Variants in VWA3B observed in about 807,000 individuals in gnomAD.
VWA3B encodes the protein von Willebrand factor A domain-containing protein 3B.
In VWA3B, 138 loss-of-function variants were observed where a neutral mutation model predicts 158.3. That is an observed-to-expected ratio of 0.87 (90% CI 0.76 to 1.00). The LOEUF is 1.00. Among genes scored for constraint, VWA3B ranks in the 50% least tolerant of loss-of-function variants. The pLI, the probability that VWA3B is intolerant of heterozygous loss-of-function variation, is 0.00. For missense variants in VWA3B, 1,555 were observed against 1,565.1 expected, an observed-to-expected ratio of 0.99 and a Z score of 0.11; for synonymous variants, 596 against 587.3, an observed-to-expected ratio of 1.01 and a Z score of -0.21.
At chr2:98,145,935 A>G (rs1395411198) in intron 7 of VWA3B, among the ~76,000 whole-genome samples, 1 of 151,902 alleles carries the variant, frequency 6.6e-6, no homozygotes, top group Admixed American at 6.6e-5. Flanking sequence ...GGATCTCGCT[A>G]TGTTTTCCAG....
At chr2:98,253,146 C>G (rs62156729) in intron 20 of VWA3B, among the ~76,000 whole-genome samples, 5,909 of 152,162 alleles carry the variant, frequency 0.039, 170 homozygotes, top group Middle Eastern at 0.075. Context: ...GTATAAATGT[C>G]AATTTCTTTT....
In VWA3B at chr2:98,297,913, TGAA is replaced by T. The variant is rs1689910429; in HGVS notation, c.3169_3171del (p.Lys1057del). On this transcript the variant is annotated inframe_deletion, in exon 24 of 28. Coordinates refer to ENST00000477737, the MANE Select transcript of VWA3B (RefSeq NM_144992.5). Reference sequence around the variant, plus strand: ...TTTCTTTGATTCCTTCCAGGGGTTGTGAAGAAGTGTGTGAGCCGCACCCAAGCA... The same window carrying T: ...TTTCTTTGATTCCTTCCAGGGGTTGTGAAGTGTGTGAGCCGCACCCAAGCA... 1 of 1,539,408 alleles carries T rather than the reference TGAA, an allele frequency of 6.5e-7. No homozygotes were observed.
chr2:98,092,459 A>G (rs984874389), intron 1 of VWA3B, among the ~76,000 whole-genome samples: 1 of 152,174 alleles, frequency 6.6e-6, no homozygotes, highest in Non-Finnish European at 1.5e-5. Flanking sequence ...CCTGACCAAC[A>G]TGGTGAAACC....
chr2:98,104,528 G>A (rs551269118), intron 2 of VWA3B, among the ~76,000 whole-genome samples: 41 of 152,248 alleles, frequency 2.7e-4, no homozygotes, highest in African/African-American at 4.3e-4. Flanking sequence ...GGGATCTGTC[G>A]CCGTGATCCA....
chr2:98,095,089 G>T (rs192620002), intron 2 of VWA3B, among the ~76,000 whole-genome samples: 2 of 152,018 alleles, frequency 1.3e-5, no homozygotes, highest in African/African-American at 2.4e-5. Flanking sequence ...TTTGCTCAAG[G>T]TTGCTTTGGG....
intron 22 of VWA3B, among the ~76,000 whole-genome samples, chr2:98,286,382 A>G (rs1479998809): frequency 6.6e-6 from 1 of 152,128 alleles, no homozygotes; most frequent in Admixed American, 6.5e-5. Context: ...TAAATTAGGT[A>G]TCATGTTTAC....
rs781192693 is a variant in VWA3B, at chr2:98,093,270, G to A, written c.178G>A (p.Gly60Arg). The A allele has an allele frequency of 9.3e-6, 15 of 1,613,928 alleles. No homozygotes were observed. The African/African-American group carries it at 1.3e-4, about 14-fold the overall frequency. ...CTTGAAACAGATTTTGTCACAGATCGGATTCCCACATTGTGAAGGTACAGT... is the reference window on the plus strand; with the variant it reads ...CTTGAAACAGATTTTGTCACAGATCAGATTCCCACATTGTGAAGGTACAGT... ...LTLKQILSQI[G>R]FPHCEDYVAS... The change falls in exon 2 of 28, where the codon GGA (glycine) becomes AGA (arginine). Residue 60 changes from glycine (G) to arginine (R), a missense_variant. Transcript: ENST00000477737.
In VWA3B at chr2:98,304,775, C is replaced by G. The variant is rs549674383; in HGVS notation, c.3521+973C>G. On this transcript the variant is annotated intron_variant, in intron 26 of 27. Coordinates refer to ENST00000477737, the MANE Select transcript of VWA3B (RefSeq NM_144992.5). ...CTCCTTAGCTCCTCTTCACTGAGCC[C>G]TTCACCTCAGCAAGTACACAGGTTG... 2.0e-5 allele frequency among the ~76,000 whole-genome samples: 3 copies of G among 152,220 alleles called. No individual in the cohort carries two copies. The South Asian group carries it at 6.2e-4, about 32-fold the overall frequency.
In VWA3B at chr2:98,196,455, G is replaced by T. The variant is rs549089771; in HGVS notation, c.1737+1963G>T. On this transcript the variant is annotated intron_variant, in intron 12 of 27. Coordinates refer to ENST00000477737, the MANE Select transcript of VWA3B (RefSeq NM_144992.5). ...GAAAGCCAAATTCTATTATTCTTTC[G>T]GCTGATTTGGTCCAGTAGTCAACCC... Among the ~76,000 whole-genome samples the T allele has an allele frequency of 3.3e-5, 5 of 151,928 alleles. 1 individual carries two copies. In the South Asian group the frequency reaches 6.2e-4, roughly 19 times the overall value.
Position 98,251,228 on chromosome 2 carries a change from T to C in VWA3B, c.2792+792T>C, listed in dbSNP as rs564708644. Among the ~76,000 whole-genome samples, 22 of 152,346 alleles carry C rather than the reference T, an allele frequency of 1.4e-4. No individual in the cohort carries two copies. The South Asian group carries it at 4.6e-3, about 32-fold the overall frequency. On this transcript the variant is annotated intron_variant, in intron 20 of 27. Coordinates refer to ENST00000477737, the MANE Select transcript of VWA3B (RefSeq NM_144992.5). ...AAGGTTTTAAAGAAACTATCTTCCC[T>C]TTCCAATATCCATAAAAATCTCATG...
At position 98,187,999 on chromosome 2, in the gene VWA3B, G is replaced by A. The variant is rs1023488573; in HGVS notation, c.1336G>A (p.Ala446Thr). Residue 446 changes from alanine to threonine, a missense_variant, in exon 10 of 28, where the codon GCA (alanine) becomes ACA (threonine). Physicochemically the swap from Ala to Thr is moderately conservative, Grantham distance 58. Transcript: ENST00000477737. ...SAETNKKTVH[A>T]KYCSRFVHAP... ...GGAGACGAACAAGAAGACAGTCCAT[G>A]CAAAATATTGCAGCAGGTTTGTCCA... 2 of 1,613,454 alleles carry A rather than the reference G, an allele frequency of 1.2e-6. No individual in the cohort carries two copies. Among genetic ancestry groups the A allele is most frequent in the African/African-American group, 2.7e-5 (2 of 74,868 alleles).
At chr2:98,256,550 ATG>A (rs1687155806) in intron 21 of VWA3B, among the ~76,000 whole-genome samples, 1 of 152,192 alleles carries the variant, frequency 6.6e-6, no homozygotes, top group African/African-American at 2.4e-5. Context: ...TCAGTACTAC[ATG>A]TGTATATATA....
chr2:98,202,287 A>G (rs539838899), intron 12 of VWA3B, among the ~76,000 whole-genome samples: 1 of 152,352 alleles, frequency 6.6e-6, no homozygotes, highest in Non-Finnish European at 1.5e-5. Context: ...GGTTGAATTT[A>G]TGAGCATAGA....
intron 2 of VWA3B, among the ~76,000 whole-genome samples, chr2:98,096,708 G>C (rs1243223895): frequency 1.3e-5 from 2 of 152,138 alleles, no homozygotes; most frequent in Non-Finnish European, 2.9e-5. Context: ...TTGTTCATGT[G>C]TAATTGTTCA....
At chr2:98,181,350 CCT>C (rs1680565791) in intron 9 of VWA3B, 138 bp downstream of exon 9, 3 of 865,400 alleles carry the variant, frequency 3.5e-6, no homozygotes, top group Non-Finnish European at 5.3e-6. Context: ...GAACAGGGTT[CCT>C]CTGTTTCCCT....
intron 21 of VWA3B, among the ~76,000 whole-genome samples, chr2:98,266,181 T>C (rs1305504385): frequency 6.6e-6 from 1 of 151,468 alleles, no homozygotes; most frequent in African/African-American, 2.4e-5. Context: ...GTTTTAGGTC[T>C]AACGTTTAAG....
chr2:98,102,633 T>A (rs1683168167), intron 2 of VWA3B, among the ~76,000 whole-genome samples: 1 of 152,338 alleles, frequency 6.6e-6, no homozygotes, highest in South Asian at 2.1e-4. Context: ...TTCTTACATT[T>A]TGTTAAGAAT....
At chr2:98,241,001 A>T (rs1049891579) in intron 19 of VWA3B, among the ~76,000 whole-genome samples, 2 of 152,192 alleles carry the variant, frequency 1.3e-5, no homozygotes, top group Non-Finnish European at 2.9e-5. Flanking sequence ...CCCAAGCACA[A>T]CCGACAGTCT....
At chr2:98,143,608 A>G (rs1315183166) in intron 7 of VWA3B, among the ~76,000 whole-genome samples, 3 of 152,144 alleles carry the variant, frequency 2.0e-5, no homozygotes, top group Non-Finnish European at 2.9e-5. Flanking sequence ...GCACTGTCCT[A>G]TATTCAGGGA....
Sources: gnomAD v4.1 joint callset for allele counts (sites outside exome capture counted in the v4.1 genomes callset) on GRCh38, gnomAD v4.1.1 for gene constraint, MANE v1.5 for transcripts, NCBI Gene and HGNC (gene_info 2026-07-23, HGNC 2026-07-21) for gene names.